Variants in MACROD2 observed in about 807,000 individuals in gnomAD.
MACROD2 encodes the protein mono-ADP ribosylhydrolase 2.
In MACROD2, 36 loss-of-function variants were observed where a neutral mutation model predicts 70.4. That is an observed-to-expected ratio of 0.51 (90% CI 0.39 to 0.68). The LOEUF is 0.68. Ranked by LOEUF, MACROD2 falls within the 30% of genes least tolerant of loss-of-function variation. The probability of loss-of-function intolerance (pLI) is 0.00; values close to 1 mark genes in which losing one functional copy is unlikely to be tolerated. For missense variants in MACROD2, 496 were observed against 538.4 expected (o/e 0.92, Z 0.78); for synonymous variants, 172 against 178.8 (o/e 0.96, Z 0.30).
intron 6 of MACROD2, among the ~76,000 whole-genome samples, chr20:15,237,883 G>A (rs1352962338): frequency 1.3e-5 from 2 of 152,150 alleles, no homozygotes; most frequent in Admixed American, 6.5e-5. Context: ...GCCCGCTTGG[G>A]CAGGCAGAAG....
intron 6 of MACROD2, among the ~76,000 whole-genome samples, chr20:15,397,327 A>C (rs1288835988): frequency 6.6e-6 from 1 of 151,436 alleles, no homozygotes; most frequent in South Asian, 2.1e-4. Context: ...TAAGAGTCTC[A>C]CTCTGTTGCC....
intron 8 of MACROD2, among the ~76,000 whole-genome samples, chr20:15,724,475 A>AT (rs58868076): frequency 0.81 from 122,731 of 151,614 alleles, 50,387 homozygotes; most frequent in Non-Finnish European, 0.89. Context: ...GTCTAAATTC[A>AT]TTTTTTTTGT....
At chr20:15,675,691 AAG>A (rs1491086345) in intron 8 of MACROD2, among the ~76,000 whole-genome samples, 1 of 152,222 alleles carries the variant, frequency 6.6e-6, no homozygotes, top group African/African-American at 2.4e-5. Flanking sequence ...TTATTAAAAA[AAG>A]AGAAGACAGG....
chr20:15,457,047 CCT>C, intron 7 of MACROD2, among the ~76,000 whole-genome samples: 1 of 115,606 alleles, frequency 8.7e-6, no homozygotes, highest in African/African-American at 3.3e-5. Context: ...ATTTTTCTTT[CCT>C]TTCTTCTTTT....
chr20:15,179,830 AT>A (rs1349475167), intron 5 of MACROD2, among the ~76,000 whole-genome samples: 5 of 152,216 alleles, frequency 3.3e-5, no homozygotes, highest in Admixed American at 3.3e-4. Context: ...CAATTTAAAG[AT>A]TCCCAAATTG....
chr20:14,887,718 A>G (rs374923196), intron 5 of MACROD2, among the ~76,000 whole-genome samples: 3 of 152,034 alleles, frequency 2.0e-5, no homozygotes, highest in African/African-American at 7.2e-5. Context: ...AATAGCAGAA[A>G]CAATTGCTTC....
At chr20:15,272,087 T>C (rs1232243051) in intron 6 of MACROD2, among the ~76,000 whole-genome samples, 1 of 152,212 alleles carries the variant, frequency 6.6e-6, no homozygotes, top group African/African-American at 2.4e-5. Context: ...CATTAAACAG[T>C]TATGTATTTA....
chr20:15,154,052 C>A (rs1213583704), intron 5 of MACROD2, among the ~76,000 whole-genome samples: 3 of 152,158 alleles, frequency 2.0e-5, no homozygotes, highest in Admixed American at 2.0e-4. Context: ...AATAGACTAT[C>A]CCCTACCTGA....
At chr20:14,626,182 C>G (rs574276002) in intron 4 of MACROD2, among the ~76,000 whole-genome samples, 2 of 152,196 alleles carry the variant, frequency 1.3e-5, no homozygotes, top group African/African-American at 4.8e-5. Context: ...AAGGGGCACA[C>G]TTTACAGCAA....
At chr20:15,675,539 C>G (rs1361434670) in intron 8 of MACROD2, among the ~76,000 whole-genome samples, 1 of 152,178 alleles carries the variant, frequency 6.6e-6, no homozygotes, top group Non-Finnish European at 1.5e-5. Flanking sequence ...ATATCTTTAA[C>G]AGTTTAGCGC....
intron 8 of MACROD2, among the ~76,000 whole-genome samples, chr20:15,506,239 A>T (rs952926072): frequency 6.6e-6 from 1 of 152,216 alleles, no homozygotes; most frequent in African/African-American, 2.4e-5. Flanking sequence ...ACTGCGTGGA[A>T]GCAGTTAGCC....
At chr20:15,116,691 T>C (rs545562071) in intron 5 of MACROD2, among the ~76,000 whole-genome samples, 207 of 152,322 alleles carry the variant, frequency 1.4e-3, no homozygotes, top group Non-Finnish European at 1.7e-3. Flanking sequence ...ATTTTCTTAA[T>C]AACATCTTCT....
intron 5 of MACROD2, among the ~76,000 whole-genome samples, chr20:14,711,654 A>G (rs2071340283): frequency 6.6e-6 from 1 of 152,158 alleles, no homozygotes; most frequent in African/African-American, 2.4e-5. Flanking sequence ...AATGGGGGCC[A>G]AACCTTCAAC....
At chr20:15,895,252 T>C (rs1038710156) in intron 10 of MACROD2, among the ~76,000 whole-genome samples, 1 of 152,214 alleles carries the variant, frequency 6.6e-6, no homozygotes, top group African/African-American at 2.4e-5. Flanking sequence ...TATGACTCAA[T>C]AATACAGCTT....
intron 5 of MACROD2, among the ~76,000 whole-genome samples, chr20:14,787,779 G>T (rs1011643307): frequency 3.9e-5 from 6 of 152,030 alleles, no homozygotes; most frequent in African/African-American, 1.5e-4. Flanking sequence ...TCTTTACAGT[G>T]CTTGGAGGAG....
intron 8 of MACROD2, among the ~76,000 whole-genome samples, chr20:15,785,114 T>C (rs1350992653): frequency 7.0e-6 from 1 of 142,894 alleles, no homozygotes; most frequent in East Asian, 2.0e-4. Flanking sequence ...TTGGCGCCGC[T>C]GCACTCCAGC....
chr20:14,151,946 C>T lies in MACROD2; in HGVS notation c.271+66218C>T, dbSNP rs575745862. Reference sequence around the variant, plus strand: ...ATGCCATTCTCCTGCCTCAGCCTCCCGAGGAGCTGGGATTACAGGCGCCTG... The same window carrying T: ...ATGCCATTCTCCTGCCTCAGCCTCCTGAGGAGCTGGGATTACAGGCGCCTG... On this transcript the variant is annotated intron_variant, in intron 3 of 17. Coordinates refer to ENST00000684519, the MANE Select transcript of MACROD2 (RefSeq NM_001351661.2). 4.0e-5 allele frequency among the ~76,000 whole-genome samples: 6 copies of T among 151,242 alleles called. No individual in the cohort carries two copies. In the East Asian group the frequency reaches 5.9e-4, roughly 15 times the overall value.
intron 5 of MACROD2, among the ~76,000 whole-genome samples, chr20:14,712,840 G>A (rs989489059): frequency 1.3e-5 from 2 of 152,102 alleles, no homozygotes; most frequent in Non-Finnish European, 2.9e-5. Flanking sequence ...TTGCTTGTTG[G>A]ACAATAGGAA....
At chr20:15,306,140 G>A (rs1247416808) in intron 6 of MACROD2, among the ~76,000 whole-genome samples, 1 of 152,148 alleles carries the variant, frequency 6.6e-6, no homozygotes, top group African/African-American at 2.4e-5. Flanking sequence ...GAAGAAGGTG[G>A]AGGTAAAATA....
Sources: allele counts gnomAD v4.1 joint callset (sites outside exome capture counted in the v4.1 genomes callset), GRCh38; gene constraint gnomAD v4.1.1; transcripts MANE v1.5; gene names NCBI Gene and HGNC (gene_info 2026-07-23, HGNC 2026-07-21).